CADPS: variants seen among roughly 807,000 people sequenced by gnomAD.
CADPS encodes calcium dependent secretion activator.
CADPS carries 57 observed loss-of-function variants against 167.3 expected under a neutral mutation model. The observed-to-expected ratio is 0.34, with a 90% CI of 0.28 to 0.42. The LOEUF (loss-of-function observed/expected upper bound fraction) is 0.42, where lower values mean the gene tolerates loss of function less well. CADPS is among the 20% of genes least tolerant of loss of function. The pLI is 1.00. For synonymous variants in CADPS, 676 were observed against 635.3 expected (o/e 1.06, Z -0.96); for missense variants, 1,414 against 1,738.1 (o/e 0.81, Z 3.32).
chr3:62,626,416 A>G, intron 6 of CADPS: 1 of 678,512 alleles, frequency 1.5e-6, no homozygotes, highest in Non-Finnish European at 2.7e-6. Flanking sequence ...CCAGGGAAAT[A>G]CACAGACTAT....
At chr3:62,616,026 T>A (rs1175001978) in intron 6 of CADPS, among the ~76,000 whole-genome samples, 1 of 152,166 alleles carries the variant, frequency 6.6e-6, no homozygotes, top group East Asian at 1.9e-4. Flanking sequence ...CTATGTGTTT[T>A]TTTTCCTTTG....
intron 1 of CADPS, among the ~76,000 whole-genome samples, chr3:62,798,731 T>C (rs1243571940): frequency 6.6e-6 from 1 of 152,178 alleles, no homozygotes; most frequent in Non-Finnish European, 1.5e-5. Flanking sequence ...TACTTTTTCC[T>C]GCTTCCTCTC....
intron 6 of CADPS, among the ~76,000 whole-genome samples, chr3:62,627,130 T>TTGTGTGTGTGTGTG (rs10547515): frequency 4.9e-4 from 72 of 148,448 alleles, no homozygotes; most frequent in African/African-American, 1.7e-3. Flanking sequence ...TACTTTCCAG[T>TTGTGTGTGTGTGTG]TGTGTGTGTG....
chr3:62,621,090 C>T (rs959796424), intron 6 of CADPS, among the ~76,000 whole-genome samples: 4 of 152,136 alleles, frequency 2.6e-5, no homozygotes, highest in African/African-American at 4.8e-5. Flanking sequence ...TAATCTGTAT[C>T]CAAAGTGTCA....
At chr3:62,716,859 T>G (rs1242172747) in intron 3 of CADPS, among the ~76,000 whole-genome samples, 13 of 152,234 alleles carry the variant, frequency 8.5e-5, no homozygotes. Context: ...TGGAACAGTT[T>G]TTCTACTTTC....
At chr3:62,677,191 C>T (rs1483464507) in intron 3 of CADPS, among the ~76,000 whole-genome samples, 1 of 152,032 alleles carries the variant, frequency 6.6e-6, no homozygotes. Context: ...TCTTCATAAA[C>T]TGTGACATTA....
chr3:62,649,442 C>A (rs185630933), intron 5 of CADPS, among the ~76,000 whole-genome samples: 3 of 150,648 alleles, frequency 2.0e-5, no homozygotes, highest in African/African-American at 7.3e-5. Flanking sequence ...ATTTCTTATG[C>A]CCTTTTTCAC....
At chr3:62,699,899 GT>G (rs2081081401) in intron 3 of CADPS, among the ~76,000 whole-genome samples, 1 of 152,068 alleles carries the variant, frequency 6.6e-6, no homozygotes, top group Non-Finnish European at 1.5e-5. Context: ...ACACCTATTT[GT>G]TTACATATTG....
intron 11 of CADPS, among the ~76,000 whole-genome samples, chr3:62,543,751 C>T (rs1394431760): frequency 6.6e-6 from 1 of 152,060 alleles, no homozygotes; most frequent in Non-Finnish European, 1.5e-5. Flanking sequence ...ATTCAGAATA[C>T]TCAAATACAT....
chr3:62,681,025 C>T (rs1376981105), intron 3 of CADPS, among the ~76,000 whole-genome samples: 8 of 152,048 alleles, frequency 5.3e-5, no homozygotes, highest in Non-Finnish European at 7.4e-5. Context: ...GCTGAATTGA[C>T]CATTTGGTGA....
chr3:62,843,861 G>C (rs1400901075), intron 1 of CADPS, among the ~76,000 whole-genome samples: 1 of 151,794 alleles, frequency 6.6e-6, no homozygotes, highest in Admixed American at 6.6e-5. Context: ...TCAGTAAAAA[G>C]AAGAGGAAAA....
At chr3:62,860,731 T>C (rs1008678570) in intron 1 of CADPS, among the ~76,000 whole-genome samples, 1 of 152,180 alleles carries the variant, frequency 6.6e-6, no homozygotes, top group Non-Finnish European at 1.5e-5. Flanking sequence ...TACCAAAGAA[T>C]GTGCAAGAAG....
At chr3:62,499,391 G>T in intron 17 of CADPS, 123 bp from the exon 18 acceptor site, 2 of 656,202 alleles carry the variant, frequency 3.0e-6, no homozygotes, top group South Asian at 3.5e-5. Context: ...TCATGCAAAT[G>T]TTAAGTGCCA....
intron 27 of CADPS, among the ~76,000 whole-genome samples, chr3:62,441,704 G>A (rs2056342364): frequency 6.6e-6 from 1 of 152,212 alleles, no homozygotes; most frequent in Non-Finnish European, 1.5e-5. Flanking sequence ...GAAATGAGTT[G>A]AGAAATGATT....
intron 3 of CADPS, among the ~76,000 whole-genome samples, chr3:62,704,636 T>C (rs1049248522): frequency 1.3e-5 from 2 of 152,170 alleles, no homozygotes; most frequent in Non-Finnish European, 2.9e-5. Flanking sequence ...AAGTTGAAGT[T>C]ATCATCACTG....
intron 6 of CADPS, chr3:62,626,347 T>G: frequency 2.1e-6 from 1 of 469,886 alleles, no homozygotes; most frequent in Non-Finnish European, 3.7e-6. Context: ...ACGGATTTAC[T>G]AAACAGAAAA....
At chr3:62,567,874 C>T (rs146498020) in intron 9 of CADPS, among the ~76,000 whole-genome samples, 1 of 152,250 alleles carries the variant, frequency 6.6e-6, no homozygotes, top group East Asian at 1.9e-4. Flanking sequence ...TGCTCCTGGA[C>T]AGCACTGCCT....
intron 10 of CADPS, among the ~76,000 whole-genome samples, chr3:62,556,122 A>G (rs1184719613): frequency 6.6e-6 from 1 of 152,140 alleles, no homozygotes; most frequent in Non-Finnish European, 1.5e-5. Context: ...AAGAACACAA[A>G]CCATCACAGA....
At chr3:62,464,391 C>T (rs2059710604) in intron 26 of CADPS, among the ~76,000 whole-genome samples, 1 of 152,178 alleles carries the variant, frequency 6.6e-6, no homozygotes, top group Non-Finnish European at 1.5e-5. Context: ...TAAAGACCCA[C>T]AGGCAGTGGG....
Sources: gnomAD v4.1 joint callset for allele counts (sites outside exome capture counted in the v4.1 genomes callset) on GRCh38, gnomAD v4.1.1 for gene constraint, MANE v1.5 for transcripts, NCBI Gene and HGNC (gene_info 2026-07-23, HGNC 2026-07-21) for gene names.